Variants in USP30 observed in about 807,000 individuals in gnomAD.
USP30 encodes ubiquitin specific peptidase 30, also known as ubiquitin carboxyl-terminal hydrolase 30.
USP30 carries 41 observed loss-of-function variants against 68.2 expected under a neutral mutation model. The observed-to-expected ratio is 0.60, with a 90% CI of 0.47 to 0.78. The LOEUF (loss-of-function observed/expected upper bound fraction) is 0.78, where lower values mean the gene tolerates loss of function less well. Among genes scored for constraint, USP30 ranks in the 30% least tolerant of loss-of-function variants. The probability of loss-of-function intolerance (pLI) is 0.00; values close to 1 mark genes in which losing one functional copy is unlikely to be tolerated. For synonymous variants in USP30, 229 were observed against 253.7 expected (o/e 0.90, Z 0.93); for missense variants, 522 against 649.4 (o/e 0.80, Z 2.13).
chr12:109,055,559 C>G (rs1467630767), intron 1 of USP30, among the ~76,000 whole-genome samples: 1 of 148,076 alleles, frequency 6.8e-6, no homozygotes, highest in Non-Finnish European at 1.5e-5. Context: ...GCCACCACAC[C>G]CAGCTAATTT....
At position 109,086,174 on chromosome 12, in the gene USP30, G is replaced by A; in HGVS notation, c.*243G>A. ...AGAAAGCATTCATTATGTCCGGAGT[G>A]TCTTTTTACTCATCTGATACAGGTA... On this transcript the variant is annotated 3_prime_UTR_variant, in exon 13 of 13. Coordinates refer to ENST00000257548, the MANE Select transcript of USP30 (RefSeq NM_032663.5). 4.1e-6 allele frequency: 2 copies of A among 484,342 alleles called. No homozygotes were observed. Among genetic ancestry groups the A allele is most frequent in the South Asian group, 7.4e-5 (2 of 26,968 alleles). The allele number at this position is 484,342 out of a possible 1,614,324, so 30.0% of individuals were successfully genotyped here. A position where few individuals can be genotyped will look rare whatever the true frequency, so the allele number is the denominator to read the frequency against.
chr12:109,069,357 C>T (rs894798442), intron 4 of USP30, among the ~76,000 whole-genome samples: 4 of 152,222 alleles, frequency 2.6e-5, no homozygotes, highest in Non-Finnish European at 4.4e-5. Flanking sequence ...CTCCAGGTTC[C>T]CTGCTTCCTG....
chr12:109,045,547 G>C (rs2040597119), intron 3 of USP30, among the ~76,000 whole-genome samples: 1 of 152,244 alleles, frequency 6.6e-6, no homozygotes, highest in South Asian at 2.1e-4. Context: ...CTGCCATACT[G>C]TCTGGTCACA....
In USP30 at chr12:109,071,638, T is replaced by C. The variant is rs2041446378; in HGVS notation, c.507T>C (p.Ile169=). 6.2e-7 allele frequency: 1 copy of C among 1,614,188 alleles called. No individual in the cohort carries two copies. Among genetic ancestry groups the C allele is most frequent in the Non-Finnish European group, 8.5e-7 (1 of 1,180,022 alleles). Residue 169 remains isoleucine (I), a synonymous_variant, in exon 5 of 13, where the codon ATT becomes ATC. Transcript: ENST00000257548. ...EQDAHELFHV[I]TSSLEDERDR... is the part of the protein sequence containing the mutation. ...ATGCTCACGAATTATTCCATGTCAT[T>C]ACCTCGTCATTGGAAGATGAGCGAG... is the stretch of plus-strand genomic sequence containing the variant.
chr12:109,059,595 C>T (rs761692871), intron 3 of USP30, among the ~76,000 whole-genome samples: 1 of 152,186 alleles, frequency 6.6e-6, no homozygotes, highest in Non-Finnish European at 1.5e-5. Flanking sequence ...CTCACTGCAA[C>T]CTCCGCCTCC....
At chr12:109,080,920 G>T (rs138171698) in intron 7 of USP30, among the ~76,000 whole-genome samples, 1 of 152,202 alleles carries the variant, frequency 6.6e-6, no homozygotes, top group African/African-American at 2.4e-5. Flanking sequence ...TCTTGTAAGC[G>T]CGCTCTGCGA....
At chr12:109,031,407 G>A (rs2040480143) in intron 3 of USP30, among the ~76,000 whole-genome samples, 1 of 152,072 alleles carries the variant, frequency 6.6e-6, no homozygotes, top group African/African-American at 2.4e-5. Context: ...AGCTGTATGA[G>A]GTATAGCACT....
chr12:109,066,436 A>G (rs943577690), intron 3 of USP30, among the ~76,000 whole-genome samples: 1 of 152,172 alleles, frequency 6.6e-6, no homozygotes. Context: ...CTGTAATCCC[A>G]GCACTTTGAG....
At chr12:109,030,428 T>C (rs2040472676) in intron 3 of USP30, among the ~76,000 whole-genome samples, 1 of 152,242 alleles carries the variant, frequency 6.6e-6, no homozygotes, top group African/African-American at 2.4e-5. Flanking sequence ...AAACAAGTTT[T>C]TGAAAGAAAG....
At chr12:109,065,626 A>G (rs928394339) in intron 3 of USP30, among the ~76,000 whole-genome samples, 1 of 152,216 alleles carries the variant, frequency 6.6e-6, no homozygotes, top group Non-Finnish European at 1.5e-5. Flanking sequence ...TTGATTGGCT[A>G]CTATGGATTA....
rs150316431 is a variant in USP30 at position 109,037,166 on chromosome 12, A to G, written c.-136+9610A>G. Among the ~76,000 whole-genome samples the G allele has an allele frequency of 2.2e-3, 330 of 152,196 alleles. 1 individual carries two copies. The highest frequency in any genetic ancestry group is 3.8e-3 in the Non-Finnish European group (260 of 68,002). ...TCTCAATGGAACTATCTTCATGTTC[A>G]TTGATACTTTGCTTACCTGTTCAAA... On this transcript the variant is annotated intron_variant, in intron 3 of 15. Coordinates refer to the USP30 transcript ENST00000392784.
At chr12:109,052,915 C>G (rs941221148) in intron 1 of USP30, 154 bp downstream of exon 1, 12 of 723,076 alleles carry the variant, frequency 1.7e-5, no homozygotes, top group East Asian at 3.4e-5. Flanking sequence ...GGCCTGGGCC[C>G]GTAGGTGGGA....
chr12:109,082,030 A>G lies in USP30; in HGVS notation c.867+11A>G, dbSNP rs2135823389. ...GACAACTGTACAAAGGTATGCATTG[A>G]ACCCCAAATGTCATCGCCAGCTGGC... On this transcript the variant is annotated intron_variant, in intron 9 of 12. Transcript: ENST00000257548. 1.2e-6 allele frequency: 2 copies of G among 1,614,080 alleles called. No individual in the cohort carries two copies. The highest frequency in any genetic ancestry group is 1.7e-6 in the Non-Finnish European group (2 of 1,179,940).
At chr12:109,039,740 A>G (rs1384046487) in intron 3 of USP30, among the ~76,000 whole-genome samples, 1 of 152,170 alleles carries the variant, frequency 6.6e-6, no homozygotes, top group East Asian at 1.9e-4. Context: ...CCTCCCAAAT[A>G]GCTGGGACTA....
At chr12:109,059,402 G>A (rs2040986094) in intron 3 of USP30, among the ~76,000 whole-genome samples, 2 of 152,092 alleles carry the variant, frequency 1.3e-5, no homozygotes, top group African/African-American at 4.8e-5. Context: ...TACTATGTTG[G>A]CCAGGCTAGT....
chr12:109,031,414 C>G (rs1482544897), intron 3 of USP30, among the ~76,000 whole-genome samples: 1 of 152,168 alleles, frequency 6.6e-6, no homozygotes. Flanking sequence ...TGAGGTATAG[C>G]ACTTTTAAAA....
chr12:109,081,189 G>A, intron 7 of USP30, 145 bp from the exon 8 acceptor site: 1 of 711,700 alleles, frequency 1.4e-6, no homozygotes, highest in Non-Finnish European at 2.3e-6. Flanking sequence ...TGTTTTAATA[G>A]AATTTTATTC....
At chr12:109,052,349 T>C, upstream of USP30, 1 of 210,262 alleles carries the variant, frequency 4.8e-6, no homozygotes, top group Non-Finnish European at 9.4e-6. Flanking sequence ...TGACCCAGGG[T>C]CCATCCTAGA....
chr12:109,071,475 T>C, intron 4 of USP30, 137 bp from the exon 5 acceptor site: 1 of 649,110 alleles, frequency 1.5e-6, no homozygotes, highest in Non-Finnish European at 2.7e-6. Flanking sequence ...AACTGTTTTC[T>C]TTAATGAGCT....
Sources: allele counts gnomAD v4.1 joint callset (sites outside exome capture counted in the v4.1 genomes callset), GRCh38; gene constraint gnomAD v4.1.1; transcripts MANE v1.5; gene names NCBI Gene and HGNC (gene_info 2026-07-23, HGNC 2026-07-21).